The following FAM120A variants were observed in gnomAD, a reference collection of about 807,000 sequenced individuals.
FAM120A encodes family with sequence similarity 120 member A.
FAM120A carries 15 observed loss-of-function variants against 109.7 expected under a neutral mutation model. That is an observed-to-expected ratio of 0.14 (90% CI 0.09 to 0.21). The LOEUF is 0.21. FAM120A is among the 10% of genes least tolerant of loss of function. The probability of loss-of-function intolerance (pLI) is 1.00; values close to 1 mark genes in which losing one functional copy is unlikely to be tolerated. For synonymous variants in FAM120A, 493 were observed against 572.8 expected (o/e 0.86, Z 1.99); for missense variants, 899 against 1,439.3 (o/e 0.62, Z 6.07).
intron 1 of FAM120A, among the ~76,000 whole-genome samples, chr9:93,463,558 G>A (rs569283870): frequency 6.6e-6 from 1 of 152,246 alleles, no homozygotes; most frequent in Non-Finnish European, 1.5e-5. Flanking sequence ...GACTAGAGTA[G>A]GGAACAGAAG....
chr9:93,462,613 A>G (rs907953188), intron 1 of FAM120A, among the ~76,000 whole-genome samples: 3 of 152,170 alleles, frequency 2.0e-5, no homozygotes, highest in African/African-American at 7.2e-5. Flanking sequence ...ACATTGTTGT[A>G]TAACCATCAC....
chr9:93,564,387 G>A lies in FAM120A; in HGVS notation c.3204G>A (p.Thr1068=), dbSNP rs377566974. ...CGGCTCCCCAGATGAACGGGAGCAC[G>A]GGTGACGCCAGGGCCCCCAGCCACT... ...EKPAPQMNGS[T]GDARAPSHSE... Residue 1068 remains threonine (T), a synonymous_variant, in exon 18 of 18, where the codon ACG becomes ACA. Transcript: ENST00000277165. 113 of 1,614,094 alleles carry A rather than the reference G, an allele frequency of 7.0e-5. No individual in the cohort carries two copies. Among genetic ancestry groups the A allele is most frequent in the African/African-American group, 5.5e-4 (41 of 75,044 alleles).
chr9:93,475,382 C>G (rs1858506746), intron 2 of FAM120A, among the ~76,000 whole-genome samples: 1 of 152,134 alleles, frequency 6.6e-6, no homozygotes, highest in African/African-American at 2.4e-5. Flanking sequence ...GATGCTCAAC[C>G]TATATTATAA....
chr9:93,452,138 C>G lies in FAM120A; in HGVS notation c.223C>G (p.Leu75Val). Reference sequence around the variant, plus strand: ...CAGCGGCGGCCAGTGGAACCACATGCTTGGCTACCTGGCGGCGCTGGCCAA... The same window carrying G: ...CAGCGGCGGCCAGTGGAACCACATGGTTGGCTACCTGGCGGCGCTGGCCAA... ...WVSGGQWNHM[L>V]GYLAALAKAC... Residue 75 changes from leucine (L) to valine (V), a missense_variant, in exon 1 of 18, where the codon CTT becomes GTT. By Grantham distance (32) the Leu-to-Val change is conservative (BLOSUM62 1). Around this residue, in one of 11 missense-constraint regions of FAM120A, gnomAD observed 258 missense variants for 451.4 expected, o/e 0.57. Transcript: ENST00000277165. This position sits in a 1 kb window ranked among gnomAD's most constrained non-coding sequence, Gnocchi z 7.0. 1 of 1,611,740 alleles carries G rather than the reference C, an allele frequency of 6.2e-7. No individual in the cohort carries two copies. The highest frequency in any genetic ancestry group is 1.3e-5 in the African/African-American group (1 of 75,058).
intron 11 of FAM120A, among the ~76,000 whole-genome samples, chr9:93,549,164 G>T (rs1233489241): frequency 6.6e-6 from 1 of 152,176 alleles, no homozygotes; most frequent in Non-Finnish European, 1.5e-5. Flanking sequence ...AATATTGATG[G>T]TTTAATTAAA....
intron 12 of FAM120A, among the ~76,000 whole-genome samples, chr9:93,555,507 C>T (rs1862257571): frequency 6.6e-6 from 1 of 152,210 alleles, no homozygotes; most frequent in Non-Finnish European, 1.5e-5. Flanking sequence ...ATAAACATTG[C>T]ATTCTTGAAA....
intron 5 of FAM120A, among the ~76,000 whole-genome samples, chr9:93,501,915 C>T (rs1859819747): frequency 1.3e-5 from 2 of 152,126 alleles, no homozygotes; most frequent in Non-Finnish European, 2.9e-5. Flanking sequence ...TGGGATCCTA[C>T]CAGTGAAACT....
intron 5 of FAM120A, among the ~76,000 whole-genome samples, chr9:93,514,895 C>A (rs938331311): frequency 5.3e-5 from 8 of 152,238 alleles, no homozygotes; most frequent in African/African-American, 1.9e-4. Flanking sequence ...TGCCTTCTGT[C>A]CCAGCTTCAG....
rs965696724 is a variant in FAM120A, at chr9:93,527,468, A to G, written c.1506+226A>G. 7.9e-4 allele frequency among the ~76,000 whole-genome samples: 120 copies of G among 152,190 alleles called. 1 individual carries two copies. The highest frequency in any genetic ancestry group is 2.1e-4 in the Non-Finnish European group (14 of 68,022). ...CATTTCCTTGTTTGCTCACTGTGTC[A>G]TCTTGGACAAGGTGCTTAGGACCTT... On this transcript the variant is annotated intron_variant, in intron 8 of 17. Transcript: ENST00000277165.
At chr9:93,501,683 T>C (rs1384013265) in intron 5 of FAM120A, among the ~76,000 whole-genome samples, 2 of 152,156 alleles carry the variant, frequency 1.3e-5, no homozygotes, top group Non-Finnish European at 2.9e-5. Context: ...TTGGGCAGTG[T>C]AGAATTTTAA....
In FAM120A at chr9:93,543,481, A is replaced by C; in HGVS notation, c.2159+10A>C. 6.2e-7 allele frequency: 1 copy of C among 1,610,342 alleles called. No individual in the cohort carries two copies. The highest frequency in any genetic ancestry group is 1.1e-5 in the South Asian group (1 of 91,008). ...TCTGCTGCGTCTTACGGTGGGTGCC[A>C]TGCATGGGAGCTGGGACCTGGGTCC... On this transcript the variant is annotated intron_variant, in intron 11 of 17. Transcript: ENST00000277165.
At chr9:93,520,535 G>A (rs1021794270) in intron 7 of FAM120A, among the ~76,000 whole-genome samples, 1 of 152,212 alleles carries the variant, frequency 6.6e-6, no homozygotes, top group Non-Finnish European at 1.5e-5. Flanking sequence ...AATGTGGTGG[G>A]CGGTTATGGG....
rs777010449 is a variant in FAM120A, at chr9:93,550,571, C to A, written c.2160-6C>A. The A allele has an allele frequency of 1.2e-6, 2 of 1,611,772 alleles. No homozygotes were observed. The highest frequency in any genetic ancestry group is 1.7e-6 in the Non-Finnish European group (2 of 1,178,474). On this transcript the variant is annotated splice_polypyrimidine_tract_variant and splice_region_variant and intron_variant, in intron 11 of 17. Transcript: ENST00000277165. ...TCACCAACCTTTTGTTTCTGCCCCT[C>A]ACCAGGTACATGGTGCAGTGGCCGG...
chr9:93,506,300 T>A (rs1860051677), intron 5 of FAM120A, among the ~76,000 whole-genome samples: 1 of 152,242 alleles, frequency 6.6e-6, no homozygotes, highest in Non-Finnish European at 1.5e-5. Flanking sequence ...ATTTCTTTAT[T>A]GATTTGAATT....
At chr9:93,470,535 T>C (rs1858262941) in intron 1 of FAM120A, among the ~76,000 whole-genome samples, 1 of 152,204 alleles carries the variant, frequency 6.6e-6, no homozygotes, top group African/African-American at 2.4e-5. Flanking sequence ...TGACATAGTG[T>C]GTGGGACATA....
At chr9:93,453,049 C>G in intron 1 of FAM120A, 1 of 1,118,752 alleles carries the variant, frequency 8.9e-7, no homozygotes, top group Non-Finnish European at 1.1e-6. Context: ...GACCCGTGCA[C>G]TTTGACAGGA....
intron 7 of FAM120A, chr9:93,523,262 T>G: frequency 7.9e-7 from 1 of 1,271,804 alleles, no homozygotes; most frequent in Non-Finnish European, 1.0e-6. Context: ...GTGTTGAATG[T>G]TTTTCTTGTC....
At chr9:93,484,121 T>G (rs1224102353) in intron 3 of FAM120A, among the ~76,000 whole-genome samples, 1 of 151,908 alleles carries the variant, frequency 6.6e-6, no homozygotes, top group Non-Finnish European at 1.5e-5. Context: ...TGTGATCATG[T>G]GCAGTACAGA....
chr9:93,502,962 A>G (rs1001215568), intron 5 of FAM120A, among the ~76,000 whole-genome samples: 4 of 152,260 alleles, frequency 2.6e-5, no homozygotes, highest in African/African-American at 7.2e-5. Context: ...TGTGGAATCT[A>G]TGGGCACAGA....
Sources: allele counts gnomAD v4.1 joint callset (sites outside exome capture counted in the v4.1 genomes callset), GRCh38; gene constraint gnomAD v4.1.1; regional missense constraint gnomAD v4.1.1; non-coding constraint Gnocchi (gnomAD v3.1); transcripts MANE v1.5; gene names NCBI Gene and HGNC (gene_info 2026-07-23, HGNC 2026-07-21).